Variants in PRKCH observed in about 807,000 individuals in gnomAD.
The protein encoded by PRKCH is protein kinase C eta.
In PRKCH, 28 loss-of-function variants were observed where a neutral mutation model predicts 82.5. That is an observed-to-expected ratio of 0.34 (90% CI 0.25 to 0.47). The LOEUF (loss-of-function observed/expected upper bound fraction) is 0.47, where lower values mean the gene tolerates loss of function less well. Among genes scored for constraint, PRKCH ranks in the 20% least tolerant of loss-of-function variants. The probability of loss-of-function intolerance (pLI) is 1.00; values close to 1 mark genes in which losing one functional copy is unlikely to be tolerated. For synonymous variants in PRKCH, 322 were observed against 327.4 expected (o/e 0.98, Z 0.18); for missense variants, 705 against 881.8 (o/e 0.80, Z 2.54).
upstream of PRKCH, among the ~76,000 whole-genome samples, chr14:61,320,240 A>G (rs2045597929): frequency 6.6e-6 from 1 of 152,214 alleles, no homozygotes; most frequent in African/African-American, 2.4e-5. Flanking sequence ...AAGGAATGAA[A>G]GCAAGCCGAA....
intron 1 of PRKCH, among the ~76,000 whole-genome samples, chr14:61,296,774 G>C (rs2045409700): frequency 1.3e-5 from 2 of 152,106 alleles, no homozygotes; most frequent in Non-Finnish European, 2.9e-5. Flanking sequence ...TGTTTCTGTG[G>C]GAATAGTGTA....
intron 2 of PRKCH, among the ~76,000 whole-genome samples, chr14:61,417,403 G>C (rs924515136): frequency 6.6e-6 from 1 of 152,224 alleles, no homozygotes; most frequent in Non-Finnish European, 1.5e-5. Context: ...GTGCAGCACA[G>C]CAGAGACTGC....
intron 1 of PRKCH, among the ~76,000 whole-genome samples, chr14:61,333,922 C>G (rs984278727): frequency 1.3e-5 from 2 of 152,058 alleles, no homozygotes; most frequent in Admixed American, 6.5e-5. Context: ...ATCCTCTTAC[C>G]CTTTGAGCCC....
chr14:61,433,279 G>A (rs1028345500), intron 2 of PRKCH, among the ~76,000 whole-genome samples: 2 of 152,006 alleles, frequency 1.3e-5, no homozygotes, highest in African/African-American at 2.4e-5. Flanking sequence ...TACTCCTCAT[G>A]GCTAATATCC....
At chr14:61,309,078 G>A (rs1300973700) in intron 1 of PRKCH, among the ~76,000 whole-genome samples, 1 of 64,900 alleles carries the variant, frequency 1.5e-5, no homozygotes, top group Non-Finnish European at 4.2e-5. Context: ...AATATCTGGA[G>A]TTCAAGACCA....
At chr14:61,469,856 C>T (rs1283490247) in intron 9 of PRKCH, among the ~76,000 whole-genome samples, 1 of 152,070 alleles carries the variant, frequency 6.6e-6, no homozygotes, top group African/African-American at 2.4e-5. Flanking sequence ...AGCAGATATG[C>T]ACTGAGTGCT....
chr14:61,342,933 T>A lies in PRKCH; in HGVS notation c.363+20469T>A, dbSNP rs555595074. Among the ~76,000 whole-genome samples, 28 of 152,348 alleles carry A rather than the reference T, an allele frequency of 1.8e-4. 1 individual carries two copies. In the South Asian group the frequency reaches 5.4e-3, roughly 29 times the overall value. ...AGCTGCTGTTAGGGTTTGAGAACTG[T>A]GTCGCCTCATTCTCAAGATAGCCAA... On this transcript the variant is annotated intron_variant, in intron 1 of 13. Coordinates refer to ENST00000332981, the MANE Select transcript of PRKCH (RefSeq NM_006255.5).
chr14:61,396,632 G>A lies in PRKCH; in HGVS notation c.427+5344G>A, dbSNP rs538236986. On this transcript the variant is annotated intron_variant, in intron 2 of 13. Transcript: ENST00000332981. ...ATTTGGCCAGGAGGGTTTAGAGAAA[G>A]CTTTTCTGGGGAGGTGATGTTTAAA... Among the ~76,000 whole-genome samples, 6 of 152,352 alleles carry A rather than the reference G, an allele frequency of 3.9e-5. No individual in the cohort carries two copies. The East Asian group carries it at 1.2e-3, about 29-fold the overall frequency.
rs960992835 is a variant in PRKCH at position 61,549,730 on chromosome 14, G to C, written c.1951G>C (p.Glu651Gln). 6 of 1,613,588 alleles carry C rather than the reference G, an allele frequency of 3.7e-6. No homozygotes were observed. The highest frequency in any genetic ancestry group is 2.7e-5 in the African/African-American group (2 of 74,838). The part of the protein sequence containing the change: ...VSNFDPDFIK[E>Q]EPVLTPIDEG... Reference sequence around the variant, plus strand: ...TAATTTTGACCCTGACTTCATAAAGGAAGAGCCAGTTTTAACTCCAATTGA... The same window carrying C: ...TAATTTTGACCCTGACTTCATAAAGCAAGAGCCAGTTTTAACTCCAATTGA... The change falls in exon 14 of 14, where the codon GAA becomes CAA. Residue 651 changes from glutamate to glutamine, a missense_variant. By Grantham distance (29) the Glu-to-Gln change is conservative. Around this residue, in one of 5 missense-constraint regions of PRKCH, gnomAD observed 91 missense variants for 81.2 expected, o/e 1.12. Transcript: ENST00000332981.
chr14:61,253,043 CT>C (rs758946409), intron 1 of PRKCH, among the ~76,000 whole-genome samples: 9 of 152,180 alleles, frequency 5.9e-5, no homozygotes, highest in Non-Finnish European at 1.2e-4. Context: ...TACAGTGGTG[CT>C]TTTGGAGGAG....
At chr14:61,451,742 A>T (rs1406964778) in intron 6 of PRKCH, among the ~76,000 whole-genome samples, 1 of 152,308 alleles carries the variant, frequency 6.6e-6, no homozygotes, top group African/African-American at 2.4e-5. Context: ...TTCTTATCAG[A>T]CACACCCCAA....
chr14:61,440,929 T>TTC (rs1190593364), intron 2 of PRKCH, among the ~76,000 whole-genome samples: 1 of 151,396 alleles, frequency 6.6e-6, no homozygotes, highest in Non-Finnish European at 1.5e-5. Context: ...TTTTTTCTTT[T>TTC]TTTTTTGGAG....
intron 1 of PRKCH, among the ~76,000 whole-genome samples, chr14:61,252,757 A>T (rs1389108361): frequency 1.3e-5 from 2 of 152,368 alleles, no homozygotes; most frequent in East Asian, 1.9e-4. Flanking sequence ...CTTGAAGCCT[A>T]CTGTTCAAAC....
chr14:61,327,028 GCTGGAGGCTGCGTCATGGAAAGA>G (rs1447887296), intron 1 of PRKCH: 2 of 455,802 alleles, frequency 4.4e-6, no homozygotes, highest in Non-Finnish European at 8.8e-6. Flanking sequence ...GGCAGGAGGA[GCTGGAGGCTGCGTCATGGAAAGA>G]CCTTGGCGCC....
intron 1 of PRKCH, among the ~76,000 whole-genome samples, chr14:61,336,157 T>G (rs897779368): frequency 6.6e-6 from 1 of 152,234 alleles, no homozygotes; most frequent in Non-Finnish European, 1.5e-5. Flanking sequence ...CACTTCAATA[T>G]GAAGTGATGG....
intron 10 of PRKCH, among the ~76,000 whole-genome samples, chr14:61,513,760 T>C (rs1287650784): frequency 2.0e-5 from 3 of 152,144 alleles, no homozygotes; most frequent in African/African-American, 7.2e-5. Context: ...CGAAAAACTC[T>C]GTGCCTCTAC....
intron 1 of PRKCH, among the ~76,000 whole-genome samples, chr14:61,210,581 G>A (rs1054677060): frequency 2.0e-5 from 3 of 152,094 alleles, no homozygotes; most frequent in Admixed American, 6.5e-5. Context: ...GATAACCTTC[G>A]TGATTTAATA....
chr14:61,326,637 A>G (rs1244916473), intron 1 of PRKCH, among the ~76,000 whole-genome samples: 11 of 152,248 alleles, frequency 7.2e-5, no homozygotes, highest in Admixed American at 7.2e-4. Context: ...GCTTATCCAT[A>G]TTTTACTGAA....
chr14:61,512,546 A>G (rs532517801), intron 10 of PRKCH, among the ~76,000 whole-genome samples: 1 of 152,286 alleles, frequency 6.6e-6, no homozygotes, highest in South Asian at 2.1e-4. Context: ...ATGGTTTCCT[A>G]TGTAATATTC....
Sources: allele counts gnomAD v4.1 joint callset (sites outside exome capture counted in the v4.1 genomes callset), GRCh38; gene constraint gnomAD v4.1.1; regional missense constraint gnomAD v4.1.1; transcripts MANE v1.5; gene names NCBI Gene and HGNC (gene_info 2026-07-23, HGNC 2026-07-21).